The following WDR86 variants were observed in gnomAD, a reference collection of about 807,000 sequenced individuals.
The protein encoded by WDR86 is WD repeat-containing protein 86.
A neutral mutation model predicts 36.5 loss-of-function variants in WDR86; 30 were observed. The observed-to-expected ratio is 0.82, with a 90% CI of 0.61 to 1.11. The LOEUF (loss-of-function observed/expected upper bound fraction) is 1.11, where lower values mean the gene tolerates loss of function less well. WDR86 is among the 50% of genes most tolerant of loss of function. WDR86 has a pLI of 0.00. For synonymous variants in WDR86, 255 were observed against 252.9 expected, an observed-to-expected ratio of 1.01 and a Z score of -0.08; for missense variants, 545 against 561.2, an observed-to-expected ratio of 0.97 and a Z score of 0.29.
chr7:151,385,316 T>C, intron 3 of WDR86, 93 bp from the exon 4 acceptor site: 2 of 1,557,534 alleles, frequency 1.3e-6, no homozygotes, highest in Non-Finnish European at 8.6e-7. Flanking sequence ...CATGTGCAGG[T>C]CTCAGTGGTG....
At position 151,409,301 on chromosome 7, in the gene WDR86, CTAGTGTGCCGGGA is replaced by C; in HGVS notation, c.163+113_163+125del. 1 of 1,423,202 alleles carries C rather than the reference CTAGTGTGCCGGGA, an allele frequency of 7.0e-7. No homozygotes were observed. Among genetic ancestry groups the C allele is most frequent in the Non-Finnish European group, 9.6e-7 (1 of 1,043,154 alleles). 88.2% of individuals were successfully genotyped at this position (1,423,202 alleles called of 1,614,324 possible). A position where few individuals can be genotyped will look rare whatever the true frequency, so the allele number is the denominator to read the frequency against. On this transcript the variant is annotated intron_variant, in intron 1 of 5. Transcript: ENST00000334493. The surrounding 1 kb of genome is among the most constrained non-coding windows in gnomAD (Gnocchi z 5.2). ...CTGGGCCCAGACAAGCGCTCTTCCG[CTAGTGTGCCGGGA>C]TGAGCGGGGGCTGGACTTCTAGAAA... is the stretch of plus-strand genomic sequence containing the variant.
At position 151,395,817 on chromosome 7, in the gene WDR86, G is replaced by A. The variant is rs200864938; in HGVS notation, c.685C>T (p.Arg229Trp). ...AWDILSGEQL[R>W]VFREHRGSVI... ...GAGCCCCGGTGCTCCCGGAACACCC[G>A]CAGCTGCTCCCCACTCAGGATGTCC... The change falls in exon 3 of 6, where the codon CGG becomes TGG. Residue 229 changes from arginine (R) to tryptophan (W), a missense_variant. Physicochemically the swap from Arg to Trp is moderately radical, Grantham distance 101 (BLOSUM62 -3). Coordinates refer to ENST00000334493, the MANE Select transcript of WDR86 (RefSeq NM_198285.3). 9.5e-6 allele frequency: 15 copies of A among 1,573,898 alleles called. No individual in the cohort carries two copies. Among genetic ancestry groups the A allele is most frequent in the Non-Finnish European group, 1.3e-5 (15 of 1,161,830 alleles).
chr7:151,396,326 T>C, intron 2 of WDR86, 130 bp from the exon 3 acceptor site: 1 of 1,088,260 alleles, frequency 9.2e-7, no homozygotes, highest in Non-Finnish European at 1.3e-6. Flanking sequence ...CTTGCCACAC[T>C]CGTCTTCCAA....
At position 151,406,971 on chromosome 7, in the gene WDR86, C is replaced by G. The variant is rs377287332; in HGVS notation, c.163+2456G>C. 3.2e-4 allele frequency among the ~76,000 whole-genome samples: 48 copies of G among 152,006 alleles called. No homozygotes were observed. Among genetic ancestry groups the G allele is most frequent in the Non-Finnish European group, 6.5e-4 (44 of 67,992 alleles). Reference sequence around the variant, plus strand: ...CTGCAGGAGAAAGGAACTGGCAACACCTTGCTTTCTTTGGGGATCCACACA... The same window carrying G: ...CTGCAGGAGAAAGGAACTGGCAACAGCTTGCTTTCTTTGGGGATCCACACA... On this transcript the variant is annotated intron_variant, in intron 1 of 5. Coordinates refer to ENST00000334493, the MANE Select transcript of WDR86 (RefSeq NM_198285.3). The surrounding 1 kb of genome is among the most constrained non-coding windows in gnomAD (Gnocchi z 4.4).
chr7:151,373,396 C>T (rs1292060398), downstream of WDR86, among the ~76,000 whole-genome samples: 1 of 152,154 alleles, frequency 6.6e-6, no homozygotes, highest in African/African-American at 2.4e-5. Context: ...GGGAACTCTC[C>T]TGATTGGCCC....
In WDR86 at chr7:151,409,370, C is replaced by T; in HGVS notation, c.163+57G>A. The T allele has an allele frequency of 3.2e-6, 5 of 1,542,402 alleles. No individual in the cohort carries two copies. Among genetic ancestry groups the T allele is most frequent in the Non-Finnish European group, 3.5e-6 (4 of 1,142,304 alleles). On this transcript the variant is annotated intron_variant, in intron 1 of 5. Coordinates refer to ENST00000334493, the MANE Select transcript of WDR86 (RefSeq NM_198285.3). This position sits in a 1 kb window ranked among gnomAD's most constrained non-coding sequence, Gnocchi z 5.2. ...CTGCGGGCGCAGGAGCTGGGGTCCGCGGTCTGGGGCCGGTGAGCTGCGGCG... is the reference window on the plus strand; with the variant it reads ...CTGCGGGCGCAGGAGCTGGGGTCCGTGGTCTGGGGCCGGTGAGCTGCGGCG...
At chr7:151,373,171 C>T (rs1028278865), downstream of WDR86, among the ~76,000 whole-genome samples, 8 of 152,150 alleles carry the variant, frequency 5.3e-5, no homozygotes, top group Admixed American at 2.6e-4. Flanking sequence ...TTTTCTCCCC[C>T]GTCCTCGCTG....
intron 3 of WDR86, among the ~76,000 whole-genome samples, chr7:151,386,637 A>G (rs939911212): frequency 6.6e-6 from 1 of 152,168 alleles, no homozygotes; most frequent in Non-Finnish European, 1.5e-5. Context: ...ACCCAGGAGC[A>G]CAGTTCCTGC....
chr7:151,376,792 G>A (rs779226162), downstream of WDR86: 15 of 1,587,570 alleles, frequency 9.4e-6, no homozygotes, highest in African/African-American at 8.0e-5. Flanking sequence ...CGCCAGCCAC[G>A]TCCCCTTCTG....
chr7:151,405,531 TC>T lies in WDR86; in HGVS notation c.163+3895del, dbSNP rs1356830839. 6.6e-6 allele frequency among the ~76,000 whole-genome samples: 1 copy of T among 152,204 alleles called. No individual in the cohort carries two copies. The highest frequency in any genetic ancestry group is 1.5e-5 in the Non-Finnish European group (1 of 68,036). On this transcript the variant is annotated intron_variant, in intron 1 of 5. Coordinates refer to ENST00000334493, the MANE Select transcript of WDR86 (RefSeq NM_198285.3). This position sits in a 1 kb window ranked among gnomAD's most constrained non-coding sequence, Gnocchi z 4.7. The stretch of plus-strand genomic sequence containing the variant: ...TGCTGGGACCCTGAGGCAGGTGACA[TC>T]TGGGCCCAGAAGCACCAACAGCGTG...
chr7:151,395,683 T>G (rs1015805558), intron 3 of WDR86, 93 bp downstream of exon 3: 13 of 1,407,752 alleles, frequency 9.2e-6, no homozygotes, highest in Non-Finnish European at 1.2e-5. Flanking sequence ...CGCTTTGTTA[T>G]GCAGCCGAAT....
upstream of WDR86, among the ~76,000 whole-genome samples, chr7:151,410,279 A>G (rs1231622107): frequency 6.6e-6 from 1 of 152,026 alleles, no homozygotes; most frequent in Non-Finnish European, 1.5e-5. Context: ...AGGGAGGGGG[A>G]GGCGGACAAA....
rs762427794 is a variant in WDR86, at chr7:151,396,034, G to T, written c.468C>A (p.Cys156Ter). ...SAPWDLPSTP[C>*]AEEAAAGGLL... is the part of the protein sequence containing the mutation. ...GCCCCCCGGCCGCGGCCTCCTCCGC[G>T]CAGGGAGTGCTGGGGAGGTCCCACG... The change falls in exon 3 of 6, where the codon TGC (cysteine) becomes TGA (stop). Residue 156 changes from cysteine (C) to a stop codon, truncating the protein, a stop_gained. Coordinates refer to ENST00000334493, the MANE Select transcript of WDR86 (RefSeq NM_198285.3). LOFTEE classifies it high-confidence loss of function. The T allele has an allele frequency of 5.2e-5, 84 of 1,608,984 alleles. No homozygotes were observed. The highest frequency in any genetic ancestry group is 6.1e-5 in the Non-Finnish European group (72 of 1,178,022).
intron 3 of WDR86, among the ~76,000 whole-genome samples, chr7:151,395,003 GTA>G (rs1799706377): frequency 8.4e-6 from 1 of 118,504 alleles, no homozygotes; most frequent in African/African-American, 2.7e-5. Context: ...AATCCTCCCT[GTA>G]CATGTGAGGA....
downstream of WDR86, among the ~76,000 whole-genome samples, chr7:151,371,295 CAGGGTT>C (rs370184507): frequency 6.6e-5 from 10 of 152,242 alleles, no homozygotes; most frequent in African/African-American, 2.4e-4. Context: ...GGATAGGTCT[CAGGGTT>C]AGGTGATTCA....
At chr7:151,382,424 G>T (rs1321661917) in intron 4 of WDR86, among the ~76,000 whole-genome samples, 3 of 152,100 alleles carry the variant, frequency 2.0e-5, no homozygotes, top group African/African-American at 7.2e-5. Context: ...ACGCACCCCC[G>T]GGACCCCTAG....
chr7:151,385,377 C>A, intron 3 of WDR86, 154 bp from the exon 4 acceptor site: 1 of 1,349,724 alleles, frequency 7.4e-7, no homozygotes, highest in Non-Finnish European at 9.9e-7. Flanking sequence ...ACCAGACTGC[C>A]CACTTCAGCA....
intron 3 of WDR86, among the ~76,000 whole-genome samples, chr7:151,389,996 G>A (rs2150779130): frequency 6.6e-6 from 1 of 152,306 alleles, no homozygotes; most frequent in African/African-American, 2.4e-5. Flanking sequence ...GTGAGCCAGG[G>A]GCTGAATGCA....
rs188507778 is a variant in WDR86 at position 151,402,294 on chromosome 7, C to T, written c.164-2053G>A. Among the ~76,000 whole-genome samples, 870 of 151,804 alleles carry T rather than the reference C, an allele frequency of 5.7e-3. 11 individuals are homozygous for T. Among genetic ancestry groups the T allele is most frequent in the African/African-American group, 0.02 (823 of 41,312 alleles). ...TGACACCCTGCTTTCATCCCAGGGA[C>T]GCTCATTTCAGCCCTCTGGGTTCCA... On this transcript the variant is annotated intron_variant, in intron 1 of 5. Coordinates refer to ENST00000334493, the MANE Select transcript of WDR86 (RefSeq NM_198285.3).
Sources: allele counts gnomAD v4.1 joint callset (sites outside exome capture counted in the v4.1 genomes callset), GRCh38; gene constraint gnomAD v4.1.1; non-coding constraint Gnocchi (gnomAD v3.1); transcripts MANE v1.5; gene names NCBI Gene and HGNC (gene_info 2026-07-23, HGNC 2026-07-21).